The following C8orf58 variants were observed in gnomAD, a reference collection of about 807,000 sequenced individuals.
C8orf58 encodes the protein chromosome 8 open reading frame 58.
Under a neutral mutation model 36.8 loss-of-function variants are expected in C8orf58, and 31 were observed. The observed-to-expected ratio is 0.84, with a 90% CI of 0.63 to 1.14. The LOEUF is 1.14. Ranked by LOEUF, C8orf58 falls within the 50% of genes most tolerant of loss-of-function variation. The pLI is 0.00. For synonymous variants in C8orf58, 230 were observed against 200.2 expected, an observed-to-expected ratio of 1.15 and a Z score of -1.26; for missense variants, 538 against 480.8, an observed-to-expected ratio of 1.12 and a Z score of -1.11.
intron 1 of C8orf58, chr8:22,600,018 C>T (rs1260901915): frequency 6.0e-6 from 2 of 334,462 alleles, no homozygotes; most frequent in African/African-American, 2.2e-5. Flanking sequence ...GCTTCCCTCG[C>T]CTTCCCGCTC....
rs1800852788 is a variant in C8orf58, at chr8:22,601,371, C to G, written c.516+14C>G. 1 of 1,534,704 alleles carries G rather than the reference C, an allele frequency of 6.5e-7. No homozygotes were observed. The highest frequency in any genetic ancestry group is 8.8e-7 in the Non-Finnish European group (1 of 1,133,578). Reference sequence around the variant, plus strand: ...GAAGAAGAGGCGGTGAGTGCTCACTCTCAGGCTGGGTTTAAGAGTGGGATG... The same window carrying G: ...GAAGAAGAGGCGGTGAGTGCTCACTGTCAGGCTGGGTTTAAGAGTGGGATG... On this transcript the variant is annotated intron_variant, in intron 2 of 6. Transcript: ENST00000289989.
chr8:22,601,248 G>C lies in C8orf58; in HGVS notation c.407G>C (p.Arg136Pro). ...CCCACCAGCTTGTCAGGACAACACC[G>C]CTCCCTGCGGCTGGCAAGCAAGCCT... ...TAPTSLSGQH[R>P]SLRLASKPER... The change falls in exon 2 of 7, where the codon CGC becomes CCC. Residue 136 changes from arginine (R) to proline (P), a missense_variant. Arg to Pro is a moderately radical substitution (Grantham distance 103, BLOSUM62 -2). Transcript: ENST00000289989. 1 of 1,609,504 alleles carries C rather than the reference G, an allele frequency of 6.2e-7. No homozygotes were observed.
In C8orf58 at chr8:22,602,638, C is replaced by A; in HGVS notation, c.981C>A (p.Asp327Glu). The A allele has an allele frequency of 6.5e-7, 1 of 1,538,930 alleles. No individual in the cohort carries two copies. The highest frequency in any genetic ancestry group is 8.8e-7 in the Non-Finnish European group (1 of 1,138,244). The change falls in exon 6 of 7, where the codon GAC becomes GAA. Residue 327 changes from aspartate to glutamate, a missense_variant. Physicochemically the swap from Asp to Glu is conservative, Grantham distance 45. Transcript: ENST00000289989. ...PEPPAPPDGS[D>E]PRIESRDLPE... is the part of the protein sequence containing the mutation. ...CCCCTGCCCCTCCTGATGGCTCTGA[C>A]CCCAGGTGAGCCCCGTGCCCAGCCC... is the stretch of plus-strand genomic sequence containing the variant.
rs1216691708 is a variant in C8orf58 at position 22,601,790 on chromosome 8, C to T, written c.595C>T (p.Leu199=). 1 of 1,612,512 alleles carries T rather than the reference C, an allele frequency of 6.2e-7. No individual in the cohort carries two copies. Among genetic ancestry groups the T allele is most frequent in the Admixed American group, 1.7e-5 (1 of 59,998 alleles). ...CTATCTGGAACACCTGTGCCTGGTGCTGGAGCAGATGGCAAGGCTCCAGCA... is the reference window on the plus strand; with the variant it reads ...CTATCTGGAACACCTGTGCCTGGTGTTGGAGCAGATGGCAAGGCTCCAGCA... The part of the protein sequence containing the change: ...LRYLEHLCLV[L]EQMARLQQLY... Residue 199 remains leucine, a synonymous_variant, in exon 3 of 7, where the codon CTG becomes TTG. Transcript: ENST00000289989.
intron 1 of C8orf58, 62 bp from the exon 2 acceptor site, chr8:22,600,820 C>G: frequency 7.3e-7 from 1 of 1,375,472 alleles, no homozygotes; most frequent in Non-Finnish European, 1.0e-6. Context: ...TGCTGCCAGC[C>G]TTCAGGAATG....
At position 22,602,434 on chromosome 8, in the gene C8orf58, G is replaced by C. The variant is rs548311104; in HGVS notation, c.880-103G>C. 1.7e-5 allele frequency: 23 copies of C among 1,331,028 alleles called. No individual in the cohort carries two copies. The South Asian group carries it at 2.7e-4, about 16-fold the overall frequency. 82.5% of individuals were successfully genotyped at this position (1,331,028 alleles called of 1,614,324 possible). A position where few individuals can be genotyped will look rare whatever the true frequency, so the allele number is the denominator to read the frequency against. ...AAATGACAGGATTGATTCCTGTTTG[G>C]AGCAGGCGACTTGTCCTGGCTGTGG... On this transcript the variant is annotated intron_variant, in intron 5 of 6. Transcript: ENST00000289989.
Position 22,603,425 on chromosome 8 carries a change from C to G in C8orf58, c.*119C>G, listed in dbSNP as rs769962950. On this transcript the variant is annotated 3_prime_UTR_variant, in exon 7 of 7. Transcript: ENST00000289989. ...GGAAAAGCTGCTGACGCCTGCCCTC[C>G]TCTCTTGAGTCGAGGGCTGAATCTT... 1.3e-6 allele frequency: 1 copy of G among 759,180 alleles called. No homozygotes were observed. Among genetic ancestry groups the G allele is most frequent in the South Asian group, 1.4e-5 (1 of 69,036 alleles). 47.0% of individuals were successfully genotyped at this position (759,180 alleles called of 1,614,324 possible). A position where few individuals can be genotyped will look rare whatever the true frequency, so the allele number is the denominator to read the frequency against.
intron 4 of C8orf58, 26 bp from the exon 5 acceptor site, chr8:22,602,174 T>G: frequency 6.4e-7 from 1 of 1,573,406 alleles, no homozygotes; most frequent in South Asian, 1.2e-5. Flanking sequence ...CTTCTGGCCC[T>G]GGCCAACCTG....
chr8:22,603,699 C>T lies in C8orf58; in HGVS notation c.*393C>T. On this transcript the variant is annotated 3_prime_UTR_variant, in exon 7 of 7. Transcript: ENST00000289989. ...GTCAGTGTTGCAAGCTGGCTGGATC[C>T]AACCATCTCTTCTGAAATAATGCAT... 6.0e-6 allele frequency: 2 copies of T among 334,100 alleles called. No homozygotes were observed. The highest frequency in any genetic ancestry group is 4.9e-5 in the South Asian group (2 of 41,100). 20.7% of individuals were successfully genotyped at this position (334,100 alleles called of 1,614,324 possible).
At position 22,602,258 on chromosome 8, in the gene C8orf58, G is replaced by T; in HGVS notation, c.825G>T (p.Leu275=). 1 of 1,582,858 alleles carries T rather than the reference G, an allele frequency of 6.3e-7. No individual in the cohort carries two copies. ...VEVPSANPPR[L]PETPVEPTYH... ...TGCCCAGTGCCAACCCTCCCAGGCT[G>T]CCAGAAACCCCAGTGGAGCCAACGT... The change falls in exon 5 of 7, where the codon CTG becomes CTT. Residue 275 remains leucine (L), a synonymous_variant. Coordinates refer to ENST00000289989, the MANE Select transcript of C8orf58 (RefSeq NM_001013842.3).
At position 22,603,417 on chromosome 8, in the gene C8orf58, C is replaced by G; in HGVS notation, c.*111C>G. On this transcript the variant is annotated 3_prime_UTR_variant, in exon 7 of 7. Transcript: ENST00000289989. ...CATTGCCAGGAAAAGCTGCTGACGC[C>G]TGCCCTCCTCTCTTGAGTCGAGGGC... 1 of 778,246 alleles carries G rather than the reference C, an allele frequency of 1.3e-6. No homozygotes were observed. The highest frequency in any genetic ancestry group is 2.3e-6 in the Non-Finnish European group (1 of 440,728). 48.2% of individuals were successfully genotyped at this position (778,246 alleles called of 1,614,324 possible). A position where few individuals can be genotyped will look rare whatever the true frequency, so the allele number is the denominator to read the frequency against.
chr8:22,602,962 C>G (rs552104471), intron 6 of C8orf58: 1 of 593,276 alleles, frequency 1.7e-6, no homozygotes, highest in Non-Finnish European at 3.0e-6. Flanking sequence ...CTTCCAGGTT[C>G]GTGGGGAGAG....
chr8:22,600,591 G>A (rs1800818538), intron 1 of C8orf58: 1 of 430,146 alleles, frequency 2.3e-6, no homozygotes, highest in African/African-American at 2.0e-5. Flanking sequence ...ATCCTAGGTG[G>A]GAAGCGCAGG....
rs1443408067 is a variant in C8orf58 at position 22,599,643 on chromosome 8, G to C, written c.-78G>C. 1.2e-6 allele frequency: 1 copy of C among 829,872 alleles called. No homozygotes were observed. Among genetic ancestry groups the C allele is most frequent in the Non-Finnish European group, 1.6e-6 (1 of 634,856 alleles). The allele number at this position is 829,872 out of a possible 1,614,324, so 51.4% of individuals were successfully genotyped here. A position where few individuals can be genotyped will look rare whatever the true frequency, so the allele number is the denominator to read the frequency against. On this transcript the variant is annotated 5_prime_UTR_variant, in exon 1 of 7. Coordinates refer to ENST00000289989, the MANE Select transcript of C8orf58 (RefSeq NM_001013842.3). ...AGCTGGGTCGGGACGCGCTCCCTGAGCTGCCCGAGCTCCGCGGGGACTCGG... is the reference window on the plus strand; with the variant it reads ...AGCTGGGTCGGGACGCGCTCCCTGACCTGCCCGAGCTCCGCGGGGACTCGG...
At position 22,599,734 on chromosome 8, in the gene C8orf58, G is replaced by A; in HGVS notation, c.14G>A (p.Arg5Gln). ...CGGGAGCGGGCCATGATGGGCCGGCGGCGCGCCTTCGCCGTGGACGGCCGG... is the reference window on the plus strand; with the variant it reads ...CGGGAGCGGGCCATGATGGGCCGGCAGCGCGCCTTCGCCGTGGACGGCCGG... MMGR[R>Q]RAFAVDGRDG... The change falls in exon 1 of 7, where the codon CGG becomes CAG. Residue 5 changes from arginine to glutamine, a missense_variant. Physicochemically the swap from Arg to Gln is conservative, Grantham distance 43 (BLOSUM62 1). Transcript: ENST00000289989. 2.5e-6 allele frequency: 3 copies of A among 1,218,978 alleles called. No individual in the cohort carries two copies. Among genetic ancestry groups the A allele is most frequent in the Non-Finnish European group, 3.1e-6 (3 of 979,864 alleles). The allele number at this position is 1,218,978 out of a possible 1,614,324, so 75.5% of individuals were successfully genotyped here. A position where few individuals can be genotyped will look rare whatever the true frequency, so the allele number is the denominator to read the frequency against.
chr8:22,601,437 G>A lies in C8orf58; in HGVS notation c.516+80G>A. The A allele has an allele frequency of 4.1e-6, 5 of 1,209,316 alleles. No homozygotes were observed. The East Asian group carries it at 7.7e-5, about 19-fold the overall frequency. 74.9% of individuals were successfully genotyped at this position (1,209,316 alleles called of 1,614,324 possible). On this transcript the variant is annotated intron_variant, in intron 2 of 6. Coordinates refer to ENST00000289989, the MANE Select transcript of C8orf58 (RefSeq NM_001013842.3). Reference sequence around the variant, plus strand: ...CTGGTTCTCCCTGGAGCTCTCTCTGGGTGGGGCACTCCCTGCCCCTAATTG... The same window carrying A: ...CTGGTTCTCCCTGGAGCTCTCTCTGAGTGGGGCACTCCCTGCCCCTAATTG...
At position 22,602,245 on chromosome 8, in the gene C8orf58, AC is replaced by A; in HGVS notation, c.815del (p.Pro272LeufsTer81). 1.2e-6 allele frequency: 2 copies of A among 1,600,866 alleles called. No homozygotes were observed. Among genetic ancestry groups the A allele is most frequent in the Non-Finnish European group, 1.7e-6 (2 of 1,174,558 alleles). On this transcript the variant is annotated frameshift_variant, in exon 5 of 7. Transcript: ENST00000289989. LOFTEE classifies it high-confidence loss of function. Reference sequence around the variant, plus strand: ...CCAAAGGTGGAGGTGCCCAGTGCCAACCCTCCCAGGCTGCCAGAAACCCCAG... The same window carrying A: ...CCAAAGGTGGAGGTGCCCAGTGCCAACCTCCCAGGCTGCCAGAAACCCCAG... ...SPPKVEVPSANPPRLPETPVE... is the reference protein window; with the variant it reads ...SPPKVEVPSAXPPRLPETPVE...
Position 22,603,292 on chromosome 8 carries a change from C to T in C8orf58, c.1084C>T (p.Leu362Phe), listed in dbSNP as rs1227571528. The change falls in exon 7 of 7, where the codon CTT (leucine) becomes TTT (phenylalanine). Residue 362 changes from leucine to phenylalanine, a missense_variant. Coordinates refer to ENST00000289989, the MANE Select transcript of C8orf58 (RefSeq NM_001013842.3). Reference protein sequence around the residue: ...LVVKKQRAKNLSVG With the variant: ...LVVKKQRAKNFSVG ...GGTTAAGAAGCAACGAGCAAAAAAC[C>T]TTTCTGTAGGCTGAGACCTCTCGGT... 1 of 1,613,536 alleles carries T rather than the reference C, an allele frequency of 6.2e-7. No homozygotes were observed. The highest frequency in any genetic ancestry group is 1.1e-5 in the South Asian group (1 of 91,074).
chr8:22,601,559 C>T (rs893332371), intron 2 of C8orf58, among the ~76,000 whole-genome samples, 153 bp from the exon 3 acceptor site: 2 of 152,240 alleles, frequency 1.3e-5, no homozygotes, highest in African/African-American at 4.8e-5. Flanking sequence ...CTTCCTGGCA[C>T]TATGCCCCGC....
Sources: allele counts gnomAD v4.1 joint callset (sites outside exome capture counted in the v4.1 genomes callset), GRCh38; gene constraint gnomAD v4.1.1; transcripts MANE v1.5; gene names NCBI Gene and HGNC (gene_info 2026-07-23, HGNC 2026-07-21).